Variants in TTL observed in about 807,000 individuals in gnomAD.
The protein encoded by TTL is tubulin tyrosine ligase.
A neutral mutation model predicts 41.1 loss-of-function variants in TTL; 10 were observed. The observed-to-expected ratio is 0.24, with a 90% CI of 0.15 to 0.41. The LOEUF is 0.41. TTL is among the 10% of genes least tolerant of loss of function. The pLI, the probability that TTL is intolerant of heterozygous loss-of-function variation, is 1.00. For synonymous variants in TTL, 175 were observed against 175.5 expected (o/e 1.00, Z 0.02); for missense variants, 367 against 460.4 (o/e 0.80, Z 1.86).
chr2:112,495,011 G>A (rs114657623), intron 3 of TTL, among the ~76,000 whole-genome samples: 1,693 of 152,278 alleles, frequency 0.011, 27 homozygotes, highest in African/African-American at 0.032. Context: ...AATGCAATTA[G>A]AATGAACTCC....
At position 112,540,601 on chromosome 2, in the gene TTL, T is replaced by A. The variant is rs1435495630; in HGVS notation, c.*11806T>A. 6.6e-6 allele frequency: 1 copy of A among 152,200 alleles called. No individual in the cohort carries two copies. The highest frequency in any genetic ancestry group is 2.4e-5 in the African/African-American group (1 of 41,450). 9.4% of individuals were successfully genotyped at this position (152,200 alleles called of 1,614,324 possible). Reference sequence around the variant, plus strand: ...AGCTGTATTAATCAAATCTGTGTAGTTTGTAGACAGATATACAGATAAATG... The same window carrying A: ...AGCTGTATTAATCAAATCTGTGTAGATTGTAGACAGATATACAGATAAATG... On this transcript the variant is annotated 3_prime_UTR_variant, in exon 7 of 7. Coordinates refer to ENST00000233336, the MANE Select transcript of TTL (RefSeq NM_153712.5).
At chr2:112,514,572 C>T (rs1036029971) in intron 5 of TTL, among the ~76,000 whole-genome samples, 1 of 152,156 alleles carries the variant, frequency 6.6e-6, no homozygotes, top group African/African-American at 2.4e-5. Flanking sequence ...TGGCTTCCAT[C>T]TTTTCTGCTG....
Position 112,482,824 on chromosome 2 carries a change from G to A in TTL, c.157+323G>A, listed in dbSNP as rs1016089452. ...GGCGCGAGTCTAGCGGCTCCCCCGG[G>A]CCGAAGCCCCCAGATTTGGCGGGTC... On this transcript the variant is annotated intron_variant, in intron 1 of 6. Transcript: ENST00000233336. The surrounding 1 kb of genome is among the most constrained non-coding windows in gnomAD (Gnocchi z 5.3). Among the ~76,000 whole-genome samples, 2 of 152,182 alleles carry A rather than the reference G, an allele frequency of 1.3e-5. No individual in the cohort carries two copies. Among genetic ancestry groups the A allele is most frequent in the Non-Finnish European group, 2.9e-5 (2 of 68,026 alleles).
chr2:112,541,722 A>C lies in TTL; in HGVS notation c.*12927A>C. ...CAATATAGCTGTTAAACACAAACAC[A>C]ATAAAGTTGAAAAACCAGCAGGCAT... On this transcript the variant is annotated 3_prime_UTR_variant, in exon 7 of 7. Coordinates refer to ENST00000233336, the MANE Select transcript of TTL (RefSeq NM_153712.5). 4.2e-6 allele frequency: 1 copy of C among 235,482 alleles called. No homozygotes were observed. The highest frequency in any genetic ancestry group is 8.6e-6 in the Non-Finnish European group (1 of 116,782). The allele number at this position is 235,482 out of a possible 1,614,324, so 14.6% of individuals were successfully genotyped here.
chr2:112,482,614 C>A lies in TTL; in HGVS notation c.157+113C>A. On this transcript the variant is annotated intron_variant, in intron 1 of 6. Coordinates refer to ENST00000233336, the MANE Select transcript of TTL (RefSeq NM_153712.5). This position sits in a 1 kb window ranked among gnomAD's most constrained non-coding sequence, Gnocchi z 5.3. ...AAAGGTCATACATTTTCTCCTCTGT[C>A]GCTTGTCGGGCACATCAGAAACGGA... 1 of 1,182,296 alleles carries A rather than the reference C, an allele frequency of 8.5e-7. No individual in the cohort carries two copies. The highest frequency in any genetic ancestry group is 3.0e-5 in the East Asian group (1 of 33,304). The allele number at this position is 1,182,296 out of a possible 1,614,324, so 73.2% of individuals were successfully genotyped here.
chr2:112,504,182 A>G (rs112677072), intron 5 of TTL, among the ~76,000 whole-genome samples: 1,233 of 4,834 alleles, frequency 0.26, 233 homozygotes, highest in Middle Eastern at 0.38. Context: ...CATGGTGTAT[A>G]TATGCCACAT....
Position 112,494,192 on chromosome 2 carries a change from G to A in TTL, c.286G>A (p.Glu96Lys). 6.2e-7 allele frequency: 1 copy of A among 1,614,182 alleles called. No homozygotes were observed. The highest frequency in any genetic ancestry group is 8.5e-7 in the Non-Finnish European group (1 of 1,180,018). The stretch of plus-strand genomic sequence containing the variant: ...GGCTGAGTCCTGCACATGGTTCCCT[G>A]AATCTTATGTGATTTATCCAACCAA... ...ELAESCTWFPESYVIYPTNLK... is the reference protein window; with the variant it reads ...ELAESCTWFPKSYVIYPTNLK... Residue 96 changes from glutamate (E) to lysine (K), a missense_variant, in exon 3 of 7, where the codon GAA becomes AAA. Transcript: ENST00000233336.
chr2:112,482,625 C>T lies in TTL; in HGVS notation c.157+124C>T. The T allele has an allele frequency of 2.7e-6, 3 of 1,102,396 alleles. No individual in the cohort carries two copies. Among genetic ancestry groups the T allele is most frequent in the South Asian group, 3.6e-5 (2 of 55,692 alleles). The allele number at this position is 1,102,396 out of a possible 1,614,324, so 68.3% of individuals were successfully genotyped here. On this transcript the variant is annotated intron_variant, in intron 1 of 6. Transcript: ENST00000233336. This position sits in a 1 kb window ranked among gnomAD's most constrained non-coding sequence, Gnocchi z 5.3. ...ATTTTCTCCTCTGTCGCTTGTCGGG[C>T]ACATCAGAAACGGATTCGGAAAGAT...
rs1225339963 is a variant in TTL at position 112,503,153 on chromosome 2, A to G, written c.847A>G (p.Ile283Val). The part of the protein sequence containing the change: ...SALNITLESS[I>V]LLQIKHIIRN... ...TTTGAACATTACCCTAGAAAGTAGTATCTTACTACAAATCAAACATATAAT... is the reference window on the plus strand; with the variant it reads ...TTTGAACATTACCCTAGAAAGTAGTGTCTTACTACAAATCAAACATATAAT... Residue 283 changes from isoleucine (I) to valine (V), a missense_variant, in exon 5 of 7, where the codon ATC becomes GTC. By Grantham distance (29) the Ile-to-Val change is conservative. Coordinates refer to ENST00000233336, the MANE Select transcript of TTL (RefSeq NM_153712.5). 1 of 1,602,910 alleles carries G rather than the reference A, an allele frequency of 6.2e-7. No individual in the cohort carries two copies. Among genetic ancestry groups the G allele is most frequent in the Non-Finnish European group, 8.5e-7 (1 of 1,173,770 alleles).
At chr2:112,495,997 A>T (rs1202156554) in intron 3 of TTL, among the ~76,000 whole-genome samples, 1 of 152,226 alleles carries the variant, frequency 6.6e-6, no homozygotes, top group Admixed American at 6.5e-5. Context: ...TATCCCTGAA[A>T]GGGGGAGAGT....
rs780073175 is a variant in TTL, at chr2:112,485,977, G to A, written c.218G>A (p.Arg73His). Residue 73 changes from arginine to histidine, a missense_variant, in exon 2 of 7, where the codon CGC becomes CAC. Physicochemically the swap from Arg to His is conservative, Grantham distance 29. Transcript: ENST00000233336. ...TACAGGGGTGCTGACAAACTGTGTC[G>A]CAAAGCTTCTTTAGTGAAGTAAGTG... The part of the protein sequence containing the change: ...NYYRGADKLC[R>H]KASLVKLIKT... The A allele has an allele frequency of 7.4e-6, 12 of 1,614,144 alleles. No individual in the cohort carries two copies. Among genetic ancestry groups the A allele is most frequent in the South Asian group, 1.1e-5 (1 of 91,078 alleles).
At position 112,482,550 on chromosome 2, in the gene TTL, C is replaced by T; in HGVS notation, c.157+49C>T. ...CTGCCCTCCTCGGAGCGGCCCTGCG[C>T]GCCTCCCGCGGCCCGTTAGAACCGG... is the stretch of plus-strand genomic sequence containing the variant. On this transcript the variant is annotated intron_variant, in intron 1 of 6. Coordinates refer to ENST00000233336, the MANE Select transcript of TTL (RefSeq NM_153712.5). The surrounding 1 kb of genome is among the most constrained non-coding windows in gnomAD (Gnocchi z 5.3). 2 of 1,529,840 alleles carry T rather than the reference C, an allele frequency of 1.3e-6. No homozygotes were observed. The highest frequency in any genetic ancestry group is 2.5e-5 in the East Asian group (1 of 39,874). The allele number at this position is 1,529,840 out of a possible 1,614,324, so 94.8% of individuals were successfully genotyped here. A position where few individuals can be genotyped will look rare whatever the true frequency, so the allele number is the denominator to read the frequency against.
chr2:112,500,155 A>T (rs1681650825), intron 3 of TTL, among the ~76,000 whole-genome samples: 1 of 152,142 alleles, frequency 6.6e-6, no homozygotes, highest in Admixed American at 6.5e-5. Flanking sequence ...TGTCCAGATG[A>T]GACATCCATA....
At chr2:112,501,606 G>A (rs1256462749) in intron 4 of TTL, among the ~76,000 whole-genome samples, 3 of 151,908 alleles carry the variant, frequency 2.0e-5, no homozygotes, top group Non-Finnish European at 4.4e-5. Flanking sequence ...AGTGGCTCAC[G>A]CTTGTAATCC....
At chr2:112,492,925 A>G (rs1349178768) in intron 2 of TTL, among the ~76,000 whole-genome samples, 1 of 152,072 alleles carries the variant, frequency 6.6e-6, no homozygotes, top group Non-Finnish European at 1.5e-5. Flanking sequence ...AAAAAATTAA[A>G]CTTTAAATTC....
chr2:112,486,701 C>T (rs1681248894), intron 2 of TTL, among the ~76,000 whole-genome samples: 1 of 152,202 alleles, frequency 6.6e-6, no homozygotes, highest in African/African-American at 2.4e-5. Context: ...CACCCCAGCT[C>T]CTTCTCTCAC....
intron 5 of TTL, 146 bp downstream of exon 5, chr2:112,503,327 T>A (rs959773697): frequency 3.1e-6 from 2 of 642,088 alleles, no homozygotes; most frequent in Admixed American, 6.1e-5. Context: ...TTTTAATGTC[T>A]GCAGGTTCTG....
chr2:112,484,465 G>A (rs147334321), intron 1 of TTL, among the ~76,000 whole-genome samples: 3 of 151,696 alleles, frequency 2.0e-5, no homozygotes, highest in African/African-American at 4.8e-5. Flanking sequence ...AGGTTTTGCC[G>A]TGTTGGTCAG....
chr2:112,485,009 G>A (rs1190957208), intron 1 of TTL, among the ~76,000 whole-genome samples: 1 of 152,166 alleles, frequency 6.6e-6, no homozygotes, highest in African/African-American at 2.4e-5. Context: ...GAGTGCAGTG[G>A]TGGGATCTTG....
Sources: gnomAD v4.1 joint callset for allele counts (sites outside exome capture counted in the v4.1 genomes callset) on GRCh38, gnomAD v4.1.1 for gene constraint, Gnocchi (gnomAD v3.1) non-coding constraint, MANE v1.5 for transcripts, NCBI Gene and HGNC (gene_info 2026-07-23, HGNC 2026-07-21) for gene names.